The following GRID2 variants were observed in gnomAD, a reference collection of about 807,000 sequenced individuals.
GRID2 encodes glutamate receptor ionotropic, delta-2.
GRID2 carries 33 observed loss-of-function variants against 114.8 expected under a neutral mutation model. That is an observed-to-expected ratio of 0.29 (90% CI 0.22 to 0.38). The LOEUF is 0.38. Ranked by LOEUF, GRID2 falls within the 10% of genes least tolerant of loss-of-function variation. GRID2 has a pLI of 1.00. For synonymous variants in GRID2, 505 were observed against 449.9 expected, an observed-to-expected ratio of 1.12 and a Z score of -1.55; for missense variants, 1,184 against 1,257.7, an observed-to-expected ratio of 0.94 and a Z score of 0.89.
At chr4:92,906,845 A>C (rs1747997330) in intron 2 of GRID2, among the ~76,000 whole-genome samples, 1 of 152,004 alleles carries the variant, frequency 6.6e-6, no homozygotes, top group Non-Finnish European at 1.5e-5. Context: ...CTTGACTTAG[A>C]TTAATCTCAA....
Position 93,266,142 on chromosome 4 carries a change from C to T in GRID2, c.1245+27652C>T, listed in dbSNP as rs74655134. Among the ~76,000 whole-genome samples, 3,781 of 152,072 alleles carry T rather than the reference C, an allele frequency of 0.025. 209 individuals are homozygous for T. The East Asian group carries it at 0.25, about 10-fold the overall frequency. On this transcript the variant is annotated intron_variant, in intron 8 of 15. Coordinates refer to ENST00000282020, the MANE Select transcript of GRID2 (RefSeq NM_001510.4). ...CACATCTTTGGGATGTGGAAGGAAA[C>T]GAATATTCAGAGAAAACCCATGAGA... is the stretch of plus-strand genomic sequence containing the variant.
chr4:93,035,312 T>C (rs1410231593), intron 2 of GRID2, among the ~76,000 whole-genome samples: 2 of 152,048 alleles, frequency 1.3e-5, no homozygotes, highest in Non-Finnish European at 2.9e-5. Flanking sequence ...GGGTTTTCAC[T>C]ATTTTTGCCC....
intron 1 of GRID2, among the ~76,000 whole-genome samples, chr4:92,420,345 A>T (rs945710345): frequency 2.0e-5 from 3 of 152,146 alleles, no homozygotes; most frequent in African/African-American, 7.2e-5. Context: ...GCACATAGAA[A>T]CTATTTTTAA....
intron 1 of GRID2, among the ~76,000 whole-genome samples, chr4:92,566,291 T>C (rs924092686): frequency 1.1e-4 from 16 of 152,018 alleles, no homozygotes; most frequent in African/African-American, 3.9e-4. Context: ...TTTCTGTTTT[T>C]TTTTAAGATG....
chr4:92,907,221 G>A (rs1396691354), intron 2 of GRID2, among the ~76,000 whole-genome samples: 1 of 152,084 alleles, frequency 6.6e-6, no homozygotes, highest in East Asian at 1.9e-4. Flanking sequence ...ACAAGAAAGA[G>A]CCAGACATTC....
At chr4:92,798,700 A>G (rs1033423839) in intron 2 of GRID2, among the ~76,000 whole-genome samples, 1 of 152,048 alleles carries the variant, frequency 6.6e-6, no homozygotes, top group African/African-American at 2.4e-5. Flanking sequence ...GCAGTGTTGC[A>G]GTACTCACTG....
intron 1 of GRID2, among the ~76,000 whole-genome samples, chr4:92,531,305 G>A (rs1444076973): frequency 6.6e-6 from 1 of 152,032 alleles, no homozygotes; most frequent in Non-Finnish European, 1.5e-5. Flanking sequence ...ATGACCACGA[G>A]ATATTCAGGT....
chr4:93,031,028 CT>C (rs1724371747), intron 2 of GRID2, among the ~76,000 whole-genome samples: 1 of 139,318 alleles, frequency 7.2e-6, no homozygotes, highest in Non-Finnish European at 1.5e-5. Flanking sequence ...ATGATCCAAT[CT>C]CCATTTTTTT....
chr4:93,354,659 G>A (rs2149265508), intron 8 of GRID2, among the ~76,000 whole-genome samples: 1 of 138,754 alleles, frequency 7.2e-6, no homozygotes, highest in African/African-American at 2.7e-5. Flanking sequence ...TACTCCCCTG[G>A]GGTGGCTCAT....
chr4:93,052,554 G>C (rs529976105), intron 2 of GRID2, among the ~76,000 whole-genome samples: 1 of 151,902 alleles, frequency 6.6e-6, no homozygotes, highest in Non-Finnish European at 1.5e-5. Flanking sequence ...ACAATGATAA[G>C]CACTTGTGTA....
rs57937928 is a variant in GRID2 at position 93,459,180 on chromosome 4, C to CAA, written c.1858+3232_1858+3233dup. 3.4e-4 allele frequency among the ~76,000 whole-genome samples: 17 copies of CAA among 50,028 alleles called. 2 individuals are homozygous for CAA. The highest frequency in any genetic ancestry group is 8.7e-4 in the South Asian group (1 of 1,144). 32.8% of individuals were successfully genotyped at this position (50,028 alleles called of 152,430 possible). ...GGATGACAAGAGTGAAACTCCATCT[C>CAA]AAAAAAAAAAAAAAAAAAAAAAAAA... On this transcript the variant is annotated intron_variant, in intron 11 of 15. Transcript: ENST00000282020.
chr4:93,585,850 G>A (rs1195296866), intron 13 of GRID2, among the ~76,000 whole-genome samples: 1 of 152,000 alleles, frequency 6.6e-6, no homozygotes, highest in Non-Finnish European at 1.5e-5. Context: ...ACTTTTTGAA[G>A]ACTCTCTTGT....
intron 11 of GRID2, among the ~76,000 whole-genome samples, chr4:93,484,518 G>C (rs1340388001): frequency 6.6e-6 from 1 of 151,890 alleles, no homozygotes; most frequent in Non-Finnish European, 1.5e-5. Flanking sequence ...AGCCATTCAG[G>C]AATTGAGGAG....
chr4:93,777,997 A>T (rs1177655445), downstream of GRID2, among the ~76,000 whole-genome samples: 17 of 152,338 alleles, frequency 1.1e-4, no homozygotes, highest in East Asian at 2.1e-3. Flanking sequence ...ATATGCAAAG[A>T]TAACCCATAA....
chr4:92,768,058 CAAT>C (rs1415652859), intron 2 of GRID2, among the ~76,000 whole-genome samples: 1 of 151,980 alleles, frequency 6.6e-6, no homozygotes, highest in Non-Finnish European at 1.5e-5. Flanking sequence ...TTTTCATCCT[CAAT>C]AAGACATATT....
chr4:93,276,033 A>G (rs1463750931), intron 8 of GRID2, among the ~76,000 whole-genome samples: 8 of 151,954 alleles, frequency 5.3e-5, no homozygotes, highest in Admixed American at 5.3e-4. Flanking sequence ...ACTTAACCCA[A>G]GGTCCCAAAA....
intron 3 of GRID2, among the ~76,000 whole-genome samples, chr4:93,108,448 A>G (rs1212652505): frequency 6.6e-6 from 1 of 152,180 alleles, no homozygotes; most frequent in Non-Finnish European, 1.5e-5. Flanking sequence ...TTCACAGAGA[A>G]TAAGTAATCT....
At chr4:92,313,277 A>G (rs1725801959) in intron 1 of GRID2, among the ~76,000 whole-genome samples, 1 of 152,086 alleles carries the variant, frequency 6.6e-6, no homozygotes, top group Non-Finnish European at 1.5e-5. Context: ...GAGCTAAGCT[A>G]TGAGGACACA....
At chr4:92,989,163 G>C (rs1263430511) in intron 2 of GRID2, among the ~76,000 whole-genome samples, 1 of 151,050 alleles carries the variant, frequency 6.6e-6, no homozygotes, top group African/African-American at 2.4e-5. Flanking sequence ...TGTAGTCCCA[G>C]CTACTCGGGA....
Sources: allele counts gnomAD v4.1 joint callset (sites outside exome capture counted in the v4.1 genomes callset), GRCh38; gene constraint gnomAD v4.1.1; transcripts MANE v1.5; gene names NCBI Gene and HGNC (gene_info 2026-07-23, HGNC 2026-07-21).